Variants in LINGO2 observed in about 807,000 individuals in gnomAD.
The protein encoded by LINGO2 is leucine-rich repeat and immunoglobulin-like domain-containing nogo receptor-interacting protein 2.
In LINGO2, 14 loss-of-function variants were observed where a neutral mutation model predicts 30.6. That is an observed-to-expected ratio of 0.46 (90% CI 0.30 to 0.72). LINGO2 has a LOEUF of 0.72. Ranked by LOEUF, LINGO2 falls within the 30% of genes least tolerant of loss-of-function variation. The pLI is 0.07. For synonymous variants in LINGO2, 317 were observed against 288.5 expected, an observed-to-expected ratio of 1.10 and a Z score of -1.00; for missense variants, 729 against 751.7, an observed-to-expected ratio of 0.97 and a Z score of 0.35.
At chr9:28,474,678 C>A (rs527590823) in intron 2 of LINGO2, among the ~76,000 whole-genome samples, 1 of 152,098 alleles carries the variant, frequency 6.6e-6, no homozygotes, top group African/African-American at 2.4e-5. Flanking sequence ...GTTCAGGCAG[C>A]CAAGGGTACT....
intron 3 of LINGO2, among the ~76,000 whole-genome samples, chr9:28,301,354 A>C (rs1215263275): frequency 6.6e-6 from 1 of 150,740 alleles, no homozygotes; most frequent in Non-Finnish European, 1.5e-5. Flanking sequence ...GGCAAAATCC[A>C]TGACAAGTTA....
the LINGO2 span, among the ~76,000 whole-genome samples, chr9:28,782,145 C>A: frequency 2.6e-5 from 4 of 152,118 alleles, no homozygotes; most frequent in African/African-American, 9.7e-5. Flanking sequence ...CCAGATCCTG[C>A]AAGCTCTGTC....
the LINGO2 span, among the ~76,000 whole-genome samples, chr9:29,118,470 A>G: frequency 6.6e-6 from 1 of 152,160 alleles, no homozygotes; most frequent in African/African-American, 2.4e-5. Flanking sequence ...TCGCCCCCAC[A>G]CAACCAACGA....
intron 3 of LINGO2, among the ~76,000 whole-genome samples, chr9:28,314,390 CAG>C (rs1211072226): frequency 6.6e-6 from 1 of 152,130 alleles, no homozygotes; most frequent in Admixed American, 6.5e-5. Context: ...TTTTAGAAAT[CAG>C]AGTCAGTAAA....
At chr9:28,062,689 G>GTA (rs753121714) in intron 4 of LINGO2, among the ~76,000 whole-genome samples, 173 of 135,840 alleles carry the variant, frequency 1.3e-3, no homozygotes, top group African/African-American at 4.1e-3. Flanking sequence ...TATATATTTT[G>GTA]TATATATATA....
intron 3 of LINGO2, among the ~76,000 whole-genome samples, chr9:28,353,897 G>T (rs565311162): frequency 1.3e-5 from 2 of 152,068 alleles, no homozygotes; most frequent in South Asian, 4.2e-4. Context: ...GTAAACTATC[G>T]CAAGAACAAA....
At chr9:28,073,139 T>C (rs1417183481) in intron 4 of LINGO2, among the ~76,000 whole-genome samples, 3 of 151,956 alleles carry the variant, frequency 2.0e-5, no homozygotes, top group Non-Finnish European at 4.4e-5. Flanking sequence ...TCCAATACTA[T>C]TCCTGACCAC....
At chr9:28,514,718 G>A (rs1484933947) in intron 1 of LINGO2, among the ~76,000 whole-genome samples, 1 of 152,150 alleles carries the variant, frequency 6.6e-6, no homozygotes, top group Admixed American at 6.6e-5. Flanking sequence ...ATCAAGTACT[G>A]ATAAAGAAGC....
At chr9:28,385,878 T>C (rs1015828185) in intron 2 of LINGO2, among the ~76,000 whole-genome samples, 1 of 152,158 alleles carries the variant, frequency 6.6e-6, no homozygotes, top group Non-Finnish European at 1.5e-5. Flanking sequence ...CCTTGGAAAC[T>C]GTGTGGAATT....
chr9:28,267,530 C>T (rs1049809011), intron 4 of LINGO2, among the ~76,000 whole-genome samples: 17 of 151,932 alleles, frequency 1.1e-4, no homozygotes, highest in African/African-American at 3.9e-4. Context: ...CCACCTCGTT[C>T]CTGACATGTA....
At chr9:28,088,097 T>C (rs1825965446) in intron 4 of LINGO2, among the ~76,000 whole-genome samples, 1 of 151,980 alleles carries the variant, frequency 6.6e-6, no homozygotes, top group Non-Finnish European at 1.5e-5. Flanking sequence ...GGATAAGAGA[T>C]TTAATTAATC....
At chr9:28,767,843 T>C in the LINGO2 span, among the ~76,000 whole-genome samples, 388 of 152,124 alleles carry the variant, frequency 2.6e-3, 1 homozygote, top group African/African-American at 9.2e-3. Flanking sequence ...AGCTATCATT[T>C]TCTCCTCCAT....
chr9:28,557,637 C>G (rs1303335899), intron 1 of LINGO2, among the ~76,000 whole-genome samples: 1 of 151,796 alleles, frequency 6.6e-6, no homozygotes, highest in South Asian at 2.1e-4. Context: ...CCCAGCCATC[C>G]CATTACTGGG....
the LINGO2 span, among the ~76,000 whole-genome samples, chr9:28,750,228 G>C: frequency 6.6e-6 from 1 of 152,102 alleles, no homozygotes; most frequent in South Asian, 2.1e-4. Context: ...AGAGGAAATG[G>C]CAGTTATGAA....
chr9:28,770,844 C>T, the LINGO2 span, among the ~76,000 whole-genome samples: 1 of 152,246 alleles, frequency 6.6e-6, no homozygotes, highest in East Asian at 1.9e-4. Context: ...TCCAGGAAGT[C>T]ACTGTTGGTC....
chr9:28,410,563 T>G (rs1368130339), intron 2 of LINGO2, among the ~76,000 whole-genome samples: 1 of 152,082 alleles, frequency 6.6e-6, no homozygotes. Flanking sequence ...TCCTGTGACT[T>G]AAGTCCTGAC....
chr9:28,092,651 C>A (rs907714903), intron 4 of LINGO2, among the ~76,000 whole-genome samples: 1 of 151,732 alleles, frequency 6.6e-6, no homozygotes. Flanking sequence ...ACGTATGTAA[C>A]AAACCTGCAC....
chr9:28,149,991 G>T (rs536643596), intron 4 of LINGO2, among the ~76,000 whole-genome samples: 4 of 138,630 alleles, frequency 2.9e-5, no homozygotes, highest in Admixed American at 7.1e-5. Context: ...CTGCCTTGCC[G>T]CTGTCCTGTC....
intron 1 of LINGO2, among the ~76,000 whole-genome samples, chr9:28,559,251 A>G (rs1017387166): frequency 1.3e-5 from 2 of 152,138 alleles, no homozygotes; most frequent in Admixed American, 1.3e-4. Context: ...TTTTCAATTT[A>G]CAACTGTGGG....
Sources: allele counts gnomAD v4.1 joint callset (sites outside exome capture counted in the v4.1 genomes callset), GRCh38; gene constraint gnomAD v4.1.1; transcripts MANE v1.5; gene names NCBI Gene and HGNC (gene_info 2026-07-23, HGNC 2026-07-21).